The following ZNF236 variants were observed in gnomAD, a reference collection of about 807,000 sequenced individuals.
The protein encoded by ZNF236 is regulated by glucose.
Under a neutral mutation model 191.2 loss-of-function variants are expected in ZNF236, and 50 were observed. The observed-to-expected ratio is 0.26, with a 90% CI of 0.21 to 0.33. The LOEUF (loss-of-function observed/expected upper bound fraction) is 0.33. Ranked by LOEUF, ZNF236 falls within the 10% of genes least tolerant of loss-of-function variation. The pLI is 1.00. For missense variants in ZNF236, 1,754 were observed against 2,374.5 expected (o/e 0.74, Z 5.43); for synonymous variants, 907 against 928.8 (o/e 0.98, Z 0.43).
intron 30 of ZNF236, among the ~76,000 whole-genome samples, chr18:76,962,718 C>T (rs746047415): frequency 3.3e-5 from 5 of 152,174 alleles, no homozygotes; most frequent in Admixed American, 6.5e-5. Flanking sequence ...TTGTTTGGGT[C>T]ATCTGTGATT....
At chr18:76,842,325 G>T (rs1483938963) in intron 1 of ZNF236, among the ~76,000 whole-genome samples, 1 of 151,762 alleles carries the variant, frequency 6.6e-6, no homozygotes, top group African/African-American at 2.4e-5. Context: ...TTCCCAGTCA[G>T]ATAGTTGCCT....
intron 7 of ZNF236, among the ~76,000 whole-genome samples, chr18:76,878,353 T>C (rs952081690): frequency 2.0e-5 from 3 of 152,240 alleles, no homozygotes; most frequent in Non-Finnish European, 2.9e-5. Context: ...GACTGTCATC[T>C]GAACCTGTGA....
In ZNF236 at chr18:76,880,262, G is replaced by A. The variant is rs374524135; in HGVS notation, c.1134G>A (p.Pro378=). The A allele has an allele frequency of 2.1e-4, 343 of 1,613,812 alleles. No individual in the cohort carries two copies. Among genetic ancestry groups the A allele is most frequent in the Non-Finnish European group, 2.6e-4 (309 of 1,179,936 alleles). Residue 378 remains proline, a synonymous_variant, in exon 8 of 31, where the codon CCG becomes CCA. Coordinates refer to ENST00000320610, the MANE Select transcript of ZNF236 (RefSeq NM_001306089.2). This position sits in a 1 kb window ranked among gnomAD's most constrained non-coding sequence, Gnocchi z 5.0. ...EPAPVESGQS[P]QPGQQLSITV... is the part of the protein sequence containing the mutation. ...CGCCGGTGGAGTCGGGGCAGTCCCC[G>A]CAGCCTGGGCAGCAGCTGAGCATCA...
chr18:76,900,753 A>G (rs1164063240), intron 11 of ZNF236, among the ~76,000 whole-genome samples: 1 of 152,236 alleles, frequency 6.6e-6, no homozygotes, highest in African/African-American at 2.4e-5. Context: ...TAAAATATTT[A>G]ACTAAAAAAA....
chr18:76,859,869 T>G (rs948761886), intron 3 of ZNF236, among the ~76,000 whole-genome samples: 1 of 152,060 alleles, frequency 6.6e-6, no homozygotes, highest in Non-Finnish European at 1.5e-5. Flanking sequence ...AAACATGGGG[T>G]GGCCTGAGGC....
At chr18:76,915,914 A>T in intron 19 of ZNF236, 55 bp downstream of exon 19, 1 of 1,529,150 alleles carries the variant, frequency 6.5e-7, no homozygotes, top group Non-Finnish European at 9.0e-7. Context: ...TTTAGGAATA[A>T]ATCCATTCAC....
chr18:76,947,220 G>T (rs1968285652), intron 26 of ZNF236, among the ~76,000 whole-genome samples: 1 of 152,082 alleles, frequency 6.6e-6, no homozygotes. Context: ...CCAGAACTTT[G>T]TACCTTCTTA....
chr18:76,964,810 A>G (rs1355012646), intron 30 of ZNF236, among the ~76,000 whole-genome samples: 1 of 152,188 alleles, frequency 6.6e-6, no homozygotes, highest in African/African-American at 2.4e-5. Flanking sequence ...TTATCATTAT[A>G]TAATGCCCCT....
At chr18:76,897,954 T>C (rs1977483997) in intron 10 of ZNF236, 1 of 152,202 alleles carries the variant, frequency 6.6e-6, no homozygotes, top group African/African-American at 2.4e-5. Context: ...TTGATCTCCA[T>C]GGAGCTAAGG....
chr18:76,840,101 A>C (rs533443564), intron 1 of ZNF236, among the ~76,000 whole-genome samples: 14 of 152,312 alleles, frequency 9.2e-5, no homozygotes, highest in African/African-American at 3.4e-4. Context: ...TGTGTAGTGC[A>C]TGAATATACA....
chr18:76,873,083 G>A (rs12957115), intron 5 of ZNF236, among the ~76,000 whole-genome samples: 35,752 of 151,904 alleles, frequency 0.24, 5,223 homozygotes, highest in East Asian at 0.32. Context: ...CTTTGTAAAT[G>A]TGCTAATACA....
intron 29 of ZNF236, 32 bp downstream of exon 29, chr18:76,959,848 A>G: frequency 6.2e-7 from 1 of 1,604,864 alleles, no homozygotes; most frequent in Non-Finnish European, 8.5e-7. Context: ...TTGTTTCCTT[A>G]CTCTTTGAAG....
At chr18:76,828,168 CTTTTT>C (rs940904936) in intron 1 of ZNF236, among the ~76,000 whole-genome samples, 3 of 138,900 alleles carry the variant, frequency 2.2e-5, no homozygotes, top group African/African-American at 2.6e-5. Flanking sequence ...TAGGGCTTTA[CTTTTT>C]TTTTTTTTTT....
chr18:76,923,434 A>ATC (rs1431437261), intron 21 of ZNF236, among the ~76,000 whole-genome samples: 1 of 152,238 alleles, frequency 6.6e-6, no homozygotes, highest in Non-Finnish European at 1.5e-5. Flanking sequence ...CTCATGCTTA[A>ATC]ATAACTTTGT....
chr18:76,923,605 C>T lies in ZNF236; in HGVS notation c.3661+431C>T, dbSNP rs1284420197. Among the ~76,000 whole-genome samples the T allele has an allele frequency of 2.0e-5, 3 of 152,100 alleles. No homozygotes were observed. The East Asian group carries it at 5.8e-4, about 29-fold the overall frequency. The stretch of plus-strand genomic sequence containing the variant: ...AGGCAGAAATGAATGTCCAAGTTTC[C>T]TGGCCTTTTTCTCATCTTCATCTTG... On this transcript the variant is annotated intron_variant, in intron 21 of 30. Coordinates refer to ENST00000320610, the MANE Select transcript of ZNF236 (RefSeq NM_001306089.2).
chr18:76,895,136 G>T lies in ZNF236; in HGVS notation c.1541G>T (p.Cys514Phe). 6.2e-7 allele frequency: 1 copy of T among 1,610,624 alleles called. No individual in the cohort carries two copies. Residue 514 changes from cysteine (C) to phenylalanine (F), a missense_variant, in exon 10 of 31, where the codon TGC (cysteine) becomes TTC (phenylalanine). This residue lies in a region of ZNF236 where 641 missense variants were observed against 869.6 expected (regional missense o/e 0.74). Coordinates refer to ENST00000320610, the MANE Select transcript of ZNF236 (RefSeq NM_001306089.2). ...RIHTHEKPFK[C>F]PQCFRAFAVK... The stretch of plus-strand genomic sequence containing the variant: ...CACACCCACGAGAAGCCCTTCAAGT[G>T]CCCGCAGTGCTTCCGCGCCTTCGCC...
intron 9 of ZNF236, among the ~76,000 whole-genome samples, chr18:76,889,844 A>G (rs1977174931): frequency 6.6e-6 from 1 of 152,218 alleles, no homozygotes; most frequent in Non-Finnish European, 1.5e-5. Flanking sequence ...TCTTTTAAAC[A>G]AGCACAGGCA....
intron 1 of ZNF236, among the ~76,000 whole-genome samples, chr18:76,843,955 TTTAAA>T (rs778163031): frequency 6.9e-5 from 10 of 145,632 alleles, no homozygotes; most frequent in Non-Finnish European, 1.4e-4. Context: ...AGAAGGGAGT[TTTAAA>T]TTAAAGAAGA....
chr18:76,916,886 G>A (rs1345216970), intron 19 of ZNF236, among the ~76,000 whole-genome samples: 1 of 152,174 alleles, frequency 6.6e-6, no homozygotes, highest in African/African-American at 2.4e-5. Context: ...ACCTGCTGGT[G>A]GCCCATCATC....
Sources: gnomAD v4.1 joint callset for allele counts (sites outside exome capture counted in the v4.1 genomes callset) on GRCh38, gnomAD v4.1.1 for gene constraint, gnomAD v4.1.1 regional missense constraint, Gnocchi (gnomAD v3.1) non-coding constraint, MANE v1.5 for transcripts, NCBI Gene and HGNC (gene_info 2026-07-23, HGNC 2026-07-21) for gene names.